The following PCDH9 variants were observed in gnomAD, a reference collection of about 807,000 sequenced individuals.
PCDH9 encodes the protein protocadherin-9.
In PCDH9, 24 loss-of-function variants were observed where a neutral mutation model predicts 70.6. The ratio of observed to expected loss-of-function variants is 0.34; its 90% CI spans 0.25 to 0.48. The LOEUF (loss-of-function observed/expected upper bound fraction) is 0.48, where lower values mean the gene tolerates loss of function less well. Among genes scored for constraint, PCDH9 ranks in the 20% least tolerant of loss-of-function variants. PCDH9 has a pLI of 0.99. For synonymous variants in PCDH9, 562 were observed against 558.5 expected, an observed-to-expected ratio of 1.01 and a Z score of -0.09; for missense variants, 1,281 against 1,503.6, an observed-to-expected ratio of 0.85 and a Z score of 2.45.
At chr13:66,861,631 AT>A (rs1288706322) in intron 3 of PCDH9, among the ~76,000 whole-genome samples, 1 of 152,162 alleles carries the variant, frequency 6.6e-6, no homozygotes, top group Non-Finnish European at 1.5e-5. Context: ...TGTCCACTTA[AT>A]CAGTCAAAGG....
chr13:66,491,033 A>C (rs1304525236), intron 4 of PCDH9, among the ~76,000 whole-genome samples: 1 of 152,290 alleles, frequency 6.6e-6, no homozygotes, highest in Admixed American at 6.5e-5. Flanking sequence ...TGATTGATAT[A>C]TACATTATTT....
intron 4 of PCDH9, among the ~76,000 whole-genome samples, chr13:66,406,010 T>C (rs1331352286): frequency 6.6e-6 from 1 of 152,158 alleles, no homozygotes; most frequent in African/African-American, 2.4e-5. Context: ...GGCTAAAATA[T>C]GTTCTGTGGT....
chr13:67,097,492 A>C (rs941986150), intron 2 of PCDH9, among the ~76,000 whole-genome samples: 2 of 152,142 alleles, frequency 1.3e-5, no homozygotes, highest in East Asian at 3.9e-4. Flanking sequence ...TAGGAAAAAA[A>C]ATACTTTAAT....
chr13:66,778,294 T>A (rs79252430), intron 3 of PCDH9, among the ~76,000 whole-genome samples: 16,115 of 151,928 alleles, frequency 0.11, 977 homozygotes, highest in African/African-American at 0.16. Context: ...ATAATAATAA[T>A]AAAAATACTC....
chr13:66,373,604 C>A (rs904884974), intron 4 of PCDH9, among the ~76,000 whole-genome samples: 1 of 151,932 alleles, frequency 6.6e-6, no homozygotes, highest in Non-Finnish European at 1.5e-5. Context: ...AGAATTATTT[C>A]TTCAATACAG....
At chr13:66,796,242 A>T (rs1047074020) in intron 3 of PCDH9, among the ~76,000 whole-genome samples, 1 of 152,154 alleles carries the variant, frequency 6.6e-6, no homozygotes, top group African/African-American at 2.4e-5. Flanking sequence ...TTATTTATTC[A>T]GCCAGCTCCA....
intron 2 of PCDH9, among the ~76,000 whole-genome samples, chr13:66,921,492 A>T (rs1156870980): frequency 6.6e-6 from 1 of 151,210 alleles, no homozygotes; most frequent in Non-Finnish European, 1.5e-5. Flanking sequence ...TGGTCCTTTG[A>T]TAAGCCATCT....
chr13:67,116,047 G>GA (rs2086765460), intron 2 of PCDH9, among the ~76,000 whole-genome samples: 2 of 151,876 alleles, frequency 1.3e-5, no homozygotes, highest in African/African-American at 4.8e-5. Flanking sequence ...TTCATAAGCT[G>GA]AAAAAAGGAT....
intron 4 of PCDH9, among the ~76,000 whole-genome samples, chr13:66,356,922 G>C (rs540165362): frequency 6.6e-6 from 1 of 152,116 alleles, no homozygotes; most frequent in African/African-American, 2.4e-5. Flanking sequence ...TCGGCTTAAG[G>C]TTACAGGGTT....
At chr13:66,996,791 G>A (rs75437828) in intron 2 of PCDH9, among the ~76,000 whole-genome samples, 1,840 of 152,242 alleles carry the variant, frequency 0.012, 42 homozygotes, top group African/African-American at 0.041. Flanking sequence ...TTGCAGAATC[G>A]TAAAAGAAAA....
intron 4 of PCDH9, among the ~76,000 whole-genome samples, chr13:66,464,468 G>T (rs1377904893): frequency 2.0e-5 from 3 of 151,914 alleles, no homozygotes; most frequent in African/African-American, 7.2e-5. Flanking sequence ...TGCTATGAGA[G>T]AACCAGTGTT....
intron 3 of PCDH9, among the ~76,000 whole-genome samples, chr13:66,846,956 A>C (rs2081222856): frequency 6.6e-6 from 1 of 152,038 alleles, no homozygotes; most frequent in Non-Finnish European, 1.5e-5. Context: ...CTGATAAATA[A>C]GATAACTTAT....
chr13:66,967,649 AC>A (rs2083452361), intron 2 of PCDH9, among the ~76,000 whole-genome samples: 1 of 152,024 alleles, frequency 6.6e-6, no homozygotes, highest in Non-Finnish European at 1.5e-5. Context: ...TTATACAAAT[AC>A]AAAAAAAAAT....
chr13:67,168,079 A>T (rs1288707640), intron 2 of PCDH9, among the ~76,000 whole-genome samples: 1 of 152,220 alleles, frequency 6.6e-6, no homozygotes, highest in African/African-American at 2.4e-5. Flanking sequence ...AGAAGAAAAC[A>T]TACTGATAAA....
intron 4 of PCDH9, among the ~76,000 whole-genome samples, chr13:66,335,040 T>C (rs1396462184): frequency 6.6e-6 from 1 of 152,114 alleles, no homozygotes; most frequent in Non-Finnish European, 1.5e-5. Context: ...ATGTGTGGCA[T>C]AGTTAGGACT....
chr13:67,031,811 AT>A (rs1316352406), intron 2 of PCDH9, among the ~76,000 whole-genome samples: 2 of 152,174 alleles, frequency 1.3e-5, no homozygotes, highest in African/African-American at 4.8e-5. Flanking sequence ...TTATTGGAGC[AT>A]TAGAAATGTT....
intron 4 of PCDH9, among the ~76,000 whole-genome samples, chr13:66,436,522 A>T (rs1445109624): frequency 6.6e-6 from 1 of 151,804 alleles, no homozygotes; most frequent in African/African-American, 2.4e-5. Context: ...ATTTTTAGTT[A>T]AAAAAAATAA....
intron 2 of PCDH9, among the ~76,000 whole-genome samples, chr13:67,016,310 C>T (rs542682154): frequency 6.6e-6 from 1 of 152,276 alleles, no homozygotes; most frequent in South Asian, 2.1e-4. Flanking sequence ...AAAACACTTA[C>T]TCTGAATTTC....
chr13:66,709,071 A>G (rs1381040777), intron 3 of PCDH9, among the ~76,000 whole-genome samples: 1 of 152,138 alleles, frequency 6.6e-6, no homozygotes, highest in Non-Finnish European at 1.5e-5. Flanking sequence ...TTTCATTTGT[A>G]ATATATTGTG....
Sources: gnomAD v4.1 joint callset for allele counts (sites outside exome capture counted in the v4.1 genomes callset) on GRCh38, gnomAD v4.1.1 for gene constraint, MANE v1.5 for transcripts, NCBI Gene and HGNC (gene_info 2026-07-23, HGNC 2026-07-21) for gene names.